The following HCN1 variants were observed in gnomAD, a reference collection of about 807,000 sequenced individuals.
The protein encoded by HCN1 is hyperpolarization activated cyclic nucleotide gated potassium channel 1, also known as potassium/sodium hyperpolarization-activated cyclic nucleotide-gated channel 1.
Under a neutral mutation model 78.9 loss-of-function variants are expected in HCN1, and 13 were observed. That is an observed-to-expected ratio of 0.16 (90% CI 0.11 to 0.26). The LOEUF is 0.26. Ranked by LOEUF, HCN1 falls within the 10% of genes least tolerant of loss-of-function variation. The pLI, the probability that HCN1 is intolerant of heterozygous loss-of-function variation, is 1.00. For missense variants in HCN1, 810 were observed against 1,154.3 expected (o/e 0.70, Z 4.32); for synonymous variants, 552 against 455.5 (o/e 1.21, Z -2.70).
intron 4 of HCN1, among the ~76,000 whole-genome samples, chr5:45,385,551 T>C (rs543004722): frequency 6.6e-6 from 1 of 152,258 alleles, no homozygotes; most frequent in African/African-American, 2.4e-5. Flanking sequence ...CATTTTAACA[T>C]ATTTCAATAT....
intron 1 of HCN1, among the ~76,000 whole-genome samples, chr5:45,675,579 C>T (rs574633115): frequency 5.9e-5 from 9 of 151,832 alleles, no homozygotes; most frequent in African/African-American, 1.9e-4. Flanking sequence ...AACATCTGCC[C>T]CATTTTTTCA....
At chr5:45,328,512 A>G (rs996983397) in intron 5 of HCN1, among the ~76,000 whole-genome samples, 2 of 151,528 alleles carry the variant, frequency 1.3e-5, no homozygotes, top group Non-Finnish European at 3.0e-5. Flanking sequence ...ATTTATTTGG[A>G]GAAGTCAGAT....
rs567989576 is a variant in HCN1 at position 45,267,072 on chromosome 5, G to A, written c.1783+17C>T. ...GGAGATTAAATTTTATATAAAGAAG[G>A]TAGAAAACTAGAGTACCTATTCGAT... On this transcript the variant is annotated intron_variant, in intron 7 of 7. Transcript: ENST00000303230. 1 of 1,598,222 alleles carries A rather than the reference G, an allele frequency of 6.3e-7. No homozygotes were observed. The highest frequency in any genetic ancestry group is 1.4e-5 in the African/African-American group (1 of 73,376).
At chr5:45,383,567 C>T (rs191251864) in intron 4 of HCN1, among the ~76,000 whole-genome samples, 7 of 152,102 alleles carry the variant, frequency 4.6e-5, no homozygotes, top group South Asian at 4.1e-4. Flanking sequence ...TGGTGGCACA[C>T]GCCTGTAGTC....
chr5:45,552,954 A>T (rs1219106804), intron 2 of HCN1, among the ~76,000 whole-genome samples: 1 of 151,884 alleles, frequency 6.6e-6, no homozygotes, highest in African/African-American at 2.4e-5. Flanking sequence ...CATTAATCAC[A>T]ATCAAAGTGA....
chr5:45,545,189 C>G lies in HCN1; in HGVS notation c.850-83182G>C, dbSNP rs1431317949. Among the ~76,000 whole-genome samples, 3 of 152,180 alleles carry G rather than the reference C, an allele frequency of 2.0e-5. No individual in the cohort carries two copies. In the East Asian group the frequency reaches 5.8e-4, roughly 29 times the overall value. On this transcript the variant is annotated intron_variant, in intron 2 of 7. Transcript: ENST00000303230. ...CATTGTGGTTTTGATTTGCATTTCT[C>G]TGATGGCCAGTGATGATGAGCATTT... is the stretch of plus-strand genomic sequence containing the variant.
At chr5:45,280,788 T>A (rs1229423765) in intron 6 of HCN1, among the ~76,000 whole-genome samples, 2 of 152,236 alleles carry the variant, frequency 1.3e-5, no homozygotes, top group Non-Finnish European at 2.9e-5. Context: ...ACATTTGCTT[T>A]AATTATGCAA....
chr5:45,501,474 G>T (rs1004603894), intron 2 of HCN1, among the ~76,000 whole-genome samples: 1 of 151,352 alleles, frequency 6.6e-6, no homozygotes, highest in Non-Finnish European at 1.5e-5. Flanking sequence ...TGCTCTTGTC[G>T]CCCAGGCTGG....
chr5:45,350,319 C>G (rs1295378062), intron 5 of HCN1, among the ~76,000 whole-genome samples: 2 of 152,120 alleles, frequency 1.3e-5, no homozygotes, highest in Non-Finnish European at 2.9e-5. Context: ...TGACAAAATT[C>G]AACAACTCTT....
At chr5:45,346,170 T>C (rs549806521) in intron 5 of HCN1, among the ~76,000 whole-genome samples, 1 of 152,178 alleles carries the variant, frequency 6.6e-6, no homozygotes, top group Non-Finnish European at 1.5e-5. Context: ...CATGATTCAA[T>C]TACCTCCCAC....
At chr5:45,435,755 C>T (rs1375859598) in intron 3 of HCN1, among the ~76,000 whole-genome samples, 3 of 152,080 alleles carry the variant, frequency 2.0e-5, no homozygotes, top group East Asian at 3.8e-4. Context: ...TTTCTTCTAA[C>T]GTTCTTTAAA....
intron 1 of HCN1, among the ~76,000 whole-genome samples, chr5:45,683,136 ATTT>A (rs869265634): frequency 3.7e-5 from 3 of 80,000 alleles, no homozygotes. Context: ...TAATTTTTTT[ATTT>A]TTTTTTACCA....
chr5:45,484,142 TA>T (rs1350491982), intron 2 of HCN1, among the ~76,000 whole-genome samples: 1 of 152,090 alleles, frequency 6.6e-6, no homozygotes, highest in Non-Finnish European at 1.5e-5. Context: ...ATAAAGACTC[TA>T]AAAACTTGGC....
At chr5:45,383,811 TTTG>T (rs1356256494) in intron 4 of HCN1, among the ~76,000 whole-genome samples, 3 of 152,110 alleles carry the variant, frequency 2.0e-5, no homozygotes, top group African/African-American at 7.2e-5. Context: ...ATATAAAATG[TTTG>T]TTTTTTCCAC....
At chr5:45,619,157 T>C (rs1424868456) in intron 2 of HCN1, among the ~76,000 whole-genome samples, 1 of 152,010 alleles carries the variant, frequency 6.6e-6, no homozygotes, top group Non-Finnish European at 1.5e-5. Flanking sequence ...TGAGAAGAAG[T>C]AGAAACCAAG....
intron 1 of HCN1, among the ~76,000 whole-genome samples, chr5:45,658,602 G>T (rs1050457593): frequency 1.0e-3 from 157 of 151,898 alleles, no homozygotes; most frequent in African/African-American, 3.5e-3. Flanking sequence ...TGCGCGCACC[G>T]TGCGCGAGCC....
chr5:45,671,622 T>C (rs1248317410), intron 1 of HCN1, among the ~76,000 whole-genome samples: 1 of 151,452 alleles, frequency 6.6e-6, no homozygotes, highest in Non-Finnish European at 1.5e-5. Context: ...AGTCCTTTGA[T>C]GATTACTTGT....
At position 45,398,325 on chromosome 5, in the gene HCN1, C is replaced by T. The variant is rs144959916; in HGVS notation, c.1012-1615G>A. Among the ~76,000 whole-genome samples the T allele has an allele frequency of 3.2e-4, 49 of 152,178 alleles. 1 individual carries two copies. In the East Asian group the frequency reaches 7.1e-3, roughly 22 times the overall value. ...ATTCTATGTACTCTTCACTCAGCTT[C>T]CCCAGAGGTAACATGCTGCAAACTA... On this transcript the variant is annotated intron_variant, in intron 3 of 7. Coordinates refer to ENST00000303230, the MANE Select transcript of HCN1 (RefSeq NM_021072.4).
intron 3 of HCN1, among the ~76,000 whole-genome samples, chr5:45,432,877 A>G (rs1405258850): frequency 6.6e-6 from 1 of 152,122 alleles, no homozygotes; most frequent in African/African-American, 2.4e-5. Flanking sequence ...TCACATGGCT[A>G]GGGAGGCAAA....
Sources: gnomAD v4.1 joint callset for allele counts (sites outside exome capture counted in the v4.1 genomes callset) on GRCh38, gnomAD v4.1.1 for gene constraint, MANE v1.5 for transcripts, NCBI Gene and HGNC (gene_info 2026-07-23, HGNC 2026-07-21) for gene names.